Variants in KCNB2 observed in about 807,000 individuals in gnomAD.
KCNB2 encodes the protein delayed rectifier potassium channel protein.
Under a neutral mutation model 61.5 loss-of-function variants are expected in KCNB2, and 15 were observed. That is an observed-to-expected ratio of 0.24 (90% CI 0.16 to 0.38). KCNB2 has a LOEUF of 0.38. Ranked by LOEUF, KCNB2 falls within the 10% of genes least tolerant of loss-of-function variation. KCNB2 has a pLI of 1.00. For synonymous variants in KCNB2, 457 were observed against 446.0 expected (o/e 1.02, Z -0.31); for missense variants, 828 against 1,125.2 (o/e 0.74, Z 3.78).
chr8:72,911,023 G>A (rs1806280526), intron 2 of KCNB2, among the ~76,000 whole-genome samples: 1 of 152,000 alleles, frequency 6.6e-6, no homozygotes, highest in Non-Finnish European at 1.5e-5. Flanking sequence ...CACCATCCAA[G>A]TATAATGTGT....
In KCNB2 at chr8:72,710,921, C is replaced by T. The variant is rs951240084; in HGVS notation, c.579+142608C>T. ...GTCAGAGTGCTATTTCCTCTTTATTCGTTCATCAATATTATGAACTTCATC... is the reference window on the plus strand; with the variant it reads ...GTCAGAGTGCTATTTCCTCTTTATTTGTTCATCAATATTATGAACTTCATC... On this transcript the variant is annotated intron_variant, in intron 2 of 2. Transcript: ENST00000523207. Among the ~76,000 whole-genome samples, 54 of 152,188 alleles carry T rather than the reference C, an allele frequency of 3.5e-4. 1 individual carries two copies. The highest frequency in any genetic ancestry group is 7.9e-4 in the Admixed American group (12 of 15,280).
At chr8:72,729,630 T>C (rs776869971) in intron 2 of KCNB2, among the ~76,000 whole-genome samples, 1 of 152,204 alleles carries the variant, frequency 6.6e-6, no homozygotes, top group Non-Finnish European at 1.5e-5. Flanking sequence ...ATGCCAGTAA[T>C]CCCAGCATTT....
intron 1 of KCNB2, among the ~76,000 whole-genome samples, chr8:72,544,296 G>A (rs543225804): frequency 2.0e-5 from 3 of 152,310 alleles, no homozygotes; most frequent in East Asian, 3.9e-4. Flanking sequence ...GAAGGTTGAG[G>A]ATTAGATGTG....
At position 72,938,038 on chromosome 8, in the gene KCNB2, C is replaced by T. The variant is rs866710129; in HGVS notation, c.2683C>T (p.His895Tyr). 5 of 1,613,992 alleles carry T rather than the reference C, an allele frequency of 3.1e-6. No homozygotes were observed. Among genetic ancestry groups the T allele is most frequent in the Non-Finnish European group, 4.2e-6 (5 of 1,179,918 alleles). The change falls in exon 3 of 3, where the codon CAT (histidine) becomes TAT (tyrosine). Residue 895 changes from histidine (H) to tyrosine (Y), a missense_variant. Around this residue, in one of 4 missense-constraint regions of KCNB2, gnomAD observed 559 missense variants for 588.4 expected, o/e 0.95. Transcript: ENST00000523207. ...MENHLFAPEI[H>Y]SNPGDTGYCP... ...AAATCACTTGTTTGCCCCAGAAATTCATTCCAACCCAGGAGACACAGGTTA... is the reference window on the plus strand; with the variant it reads ...AAATCACTTGTTTGCCCCAGAAATTTATTCCAACCCAGGAGACACAGGTTA...
At chr8:72,686,598 T>C (rs1806857548) in intron 2 of KCNB2, among the ~76,000 whole-genome samples, 1 of 152,306 alleles carries the variant, frequency 6.6e-6, no homozygotes, top group African/African-American at 2.4e-5. Flanking sequence ...GAGCAATCAA[T>C]AAATCATCTT....
In KCNB2 at chr8:72,868,553, G is replaced by A. The variant is rs373898410; in HGVS notation, c.580-67382G>A. 2.0e-5 allele frequency among the ~76,000 whole-genome samples: 3 copies of A among 151,710 alleles called. No individual in the cohort carries two copies. The East Asian group carries it at 5.9e-4, about 30-fold the overall frequency. ...AGATAATGCCACTGCACTCCAGCCT[G>A]GCAACAAAGCAAGACACTGTCTCAA... On this transcript the variant is annotated intron_variant, in intron 2 of 2. Coordinates refer to ENST00000523207, the MANE Select transcript of KCNB2 (RefSeq NM_004770.3).
intron 2 of KCNB2, among the ~76,000 whole-genome samples, chr8:72,681,630 T>C (rs1409753298): frequency 6.6e-6 from 1 of 152,210 alleles, no homozygotes; most frequent in Non-Finnish European, 1.5e-5. Flanking sequence ...AAGTATAGTA[T>C]AACAAATACA....
intron 2 of KCNB2, among the ~76,000 whole-genome samples, chr8:72,835,924 A>G (rs1158953954): frequency 2.0e-5 from 3 of 152,156 alleles, no homozygotes; most frequent in African/African-American, 7.2e-5. Context: ...GACTTTCCCA[A>G]CATATGTCAG....
At chr8:72,620,912 C>T (rs147631303) in intron 2 of KCNB2, among the ~76,000 whole-genome samples, 1 of 152,242 alleles carries the variant, frequency 6.6e-6, no homozygotes, top group East Asian at 1.9e-4. Flanking sequence ...CTGGCCAGTA[C>T]TACGTTTTAG....
At chr8:72,848,890 G>A (rs1247255389) in intron 2 of KCNB2, among the ~76,000 whole-genome samples, 1 of 151,422 alleles carries the variant, frequency 6.6e-6, no homozygotes, top group African/African-American at 2.4e-5. Flanking sequence ...ACAAGCTATT[G>A]GAAATGTTTT....
chr8:72,620,053 A>G (rs1234036501), intron 2 of KCNB2, among the ~76,000 whole-genome samples: 2 of 152,256 alleles, frequency 1.3e-5, no homozygotes, highest in African/African-American at 2.4e-5. Flanking sequence ...GCATGCTGCA[A>G]TAATATTTTG....
intron 2 of KCNB2, among the ~76,000 whole-genome samples, chr8:72,888,658 C>T (rs750260767): frequency 6.6e-6 from 1 of 152,136 alleles, no homozygotes; most frequent in African/African-American, 2.4e-5. Context: ...TAAAGCCTGA[C>T]TTGAAAAACA....
intron 2 of KCNB2, among the ~76,000 whole-genome samples, chr8:72,677,539 A>G (rs1187102381): frequency 1.3e-5 from 2 of 151,812 alleles, no homozygotes; most frequent in African/African-American, 4.8e-5. Flanking sequence ...TCTTTCCTCA[A>G]TTTTCTTTGG....
At chr8:72,799,973 A>G (rs1302807311) in intron 2 of KCNB2, among the ~76,000 whole-genome samples, 1 of 152,158 alleles carries the variant, frequency 6.6e-6, no homozygotes, top group Non-Finnish European at 1.5e-5. Flanking sequence ...AAAAGGGAAG[A>G]TAAGAGAACA....
chr8:72,559,483 G>C (rs924320322), intron 1 of KCNB2, among the ~76,000 whole-genome samples: 1 of 152,086 alleles, frequency 6.6e-6, no homozygotes, highest in Non-Finnish European at 1.5e-5. Context: ...GAAGCCGTGA[G>C]AGCATCTTCT....
At chr8:72,801,700 A>T (rs1809128906) in intron 2 of KCNB2, among the ~76,000 whole-genome samples, 1 of 152,142 alleles carries the variant, frequency 6.6e-6, no homozygotes, top group African/African-American at 2.4e-5. Context: ...AGGGTGCAAT[A>T]AGACCACCAA....
At chr8:72,814,138 G>T (rs1414208556) in intron 2 of KCNB2, among the ~76,000 whole-genome samples, 8 of 152,000 alleles carry the variant, frequency 5.3e-5, no homozygotes, top group Non-Finnish European at 1.5e-5. Context: ...TCTTTTGTTT[G>T]ATGTTATTTT....
intron 2 of KCNB2, among the ~76,000 whole-genome samples, chr8:72,634,143 A>C (rs1385105923): frequency 6.6e-6 from 1 of 152,240 alleles, no homozygotes; most frequent in Non-Finnish European, 1.5e-5. Context: ...TCCAAATGTA[A>C]GAAAACTTGA....
rs3735829 is a variant in KCNB2, at chr8:72,935,904, A to T, written c.580-31A>T. 135,232 of 1,539,402 alleles carry T rather than the reference A, an allele frequency of 0.088. 22,968 individuals are homozygous for T. The highest frequency in any genetic ancestry group is 0.78 in the East Asian group (34,876 of 44,456). On this transcript the variant is annotated intron_variant, in intron 2 of 2. Coordinates refer to ENST00000523207, the MANE Select transcript of KCNB2 (RefSeq NM_004770.3). ...CCTAGCTGCCTAAGCAACTAAGAGG[A>T]TTTGCTGACTTGGACTTTTCTCTTT... is the stretch of plus-strand genomic sequence containing the variant.
Sources: gnomAD v4.1 joint callset for allele counts (sites outside exome capture counted in the v4.1 genomes callset) on GRCh38, gnomAD v4.1.1 for gene constraint, gnomAD v4.1.1 regional missense constraint, MANE v1.5 for transcripts, NCBI Gene and HGNC (gene_info 2026-07-23, HGNC 2026-07-21) for gene names.